Variants in RBFOX1 observed in about 807,000 individuals in gnomAD.
RBFOX1 encodes RNA binding fox-1 homolog 1, also known as RNA binding protein fox-1 homolog 1.
In RBFOX1, 8 loss-of-function variants were observed where a neutral mutation model predicts 57.7. That is an observed-to-expected ratio of 0.14 (90% CI 0.08 to 0.25). The LOEUF (loss-of-function observed/expected upper bound fraction) is 0.25, where lower values mean the gene tolerates loss of function less well. RBFOX1 is among the 10% of genes least tolerant of loss of function. RBFOX1 has a pLI of 1.00. For synonymous variants in RBFOX1, 326 were observed against 222.4 expected (o/e 1.47, Z -4.15); for missense variants, 611 against 548.5 (o/e 1.11, Z -1.14).
At chr16:6,061,904 G>A (rs936837253) in intron 1 of RBFOX1, among the ~76,000 whole-genome samples, 6 of 152,044 alleles carry the variant, frequency 3.9e-5, no homozygotes, top group African/African-American at 7.2e-5. Flanking sequence ...GGATTCTGCC[G>A]CCAAGACTGC....
At chr16:7,310,205 G>T (rs2096277478) in intron 4 of RBFOX1, among the ~76,000 whole-genome samples, 1 of 152,222 alleles carries the variant, frequency 6.6e-6, no homozygotes, top group Admixed American at 6.5e-5. Flanking sequence ...TCTGCTGGGA[G>T]ACAGAGCTGG....
intron 1 of RBFOX1, among the ~76,000 whole-genome samples, chr16:6,239,974 C>G (rs1026816180): frequency 5.9e-5 from 9 of 152,214 alleles, no homozygotes; most frequent in Admixed American, 1.3e-4. Context: ...GTGGATCTCT[C>G]AAGGTGGGAG....
intron 3 of RBFOX1, among the ~76,000 whole-genome samples, chr16:6,826,131 C>T (rs913135060): frequency 2.0e-5 from 3 of 152,118 alleles, no homozygotes; most frequent in African/African-American, 7.2e-5. Flanking sequence ...CGTCTCACTT[C>T]TCCCTACCCC....
chr16:6,023,030 G>T (rs1003124616), intron 1 of RBFOX1, among the ~76,000 whole-genome samples: 5 of 152,084 alleles, frequency 3.3e-5, no homozygotes, highest in African/African-American at 7.2e-5. Flanking sequence ...AGAGTAGAAG[G>T]TTGTGGCCAG....
intron 1 of RBFOX1, among the ~76,000 whole-genome samples, chr16:5,363,464 G>T (rs914187002): frequency 1.3e-5 from 2 of 152,138 alleles, no homozygotes; most frequent in African/African-American, 2.4e-5. Flanking sequence ...TCTAGCTTCA[G>T]TTGCAGGAGG....
At chr16:5,753,258 T>A (rs2053275923) in intron 3 of RBFOX1, among the ~76,000 whole-genome samples, 1 of 152,146 alleles carries the variant, frequency 6.6e-6, no homozygotes, top group Non-Finnish European at 1.5e-5. Flanking sequence ...ATGCACTCAT[T>A]AAAACTCTAG....
chr16:6,524,433 G>T (rs2096551051), intron 2 of RBFOX1, among the ~76,000 whole-genome samples: 1 of 152,174 alleles, frequency 6.6e-6, no homozygotes, highest in African/African-American at 2.4e-5. Context: ...TTTTATGGCA[G>T]CAGTGTTTAC....
chr16:5,270,370 G>C lies in RBFOX1; in HGVS notation c.219+30265G>C, dbSNP rs2062974371. The C allele has an allele frequency of 1.8e-5, 22 of 1,227,712 alleles. No individual in the cohort carries two copies. The South Asian group carries it at 2.7e-4, about 15-fold the overall frequency. The allele number at this position is 1,227,712 out of a possible 1,614,324, so 76.1% of individuals were successfully genotyped here. A position where few individuals can be genotyped will look rare whatever the true frequency, so the allele number is the denominator to read the frequency against. The stretch of plus-strand genomic sequence containing the variant: ...CATCTGATGGTCTCAAGGGTCTTGT[G>C]TTTGAAGTGAGTCTTGCTGATGTGC... On this transcript the variant is annotated intron_variant, in intron 1 of 2. Transcript: ENST00000585867.
chr16:5,854,834 T>C (rs147636177), intron 3 of RBFOX1, among the ~76,000 whole-genome samples: 88 of 152,284 alleles, frequency 5.8e-4, no homozygotes, highest in African/African-American at 2.0e-3. Context: ...TCAATTTACA[T>C]TCCCACCCAC....
chr16:7,186,298 A>ACATAAACATATTTATATAAATATAAG (rs2083777595), intron 4 of RBFOX1, among the ~76,000 whole-genome samples: 1 of 104,108 alleles, frequency 9.6e-6, no homozygotes, highest in Non-Finnish European at 1.8e-5. Flanking sequence ...ATAAATATAA[A>ACATAAACATATTTATATAAATATAAG]CATAAACATA....
rs200369803 is a variant in RBFOX1 at position 7,671,627 on chromosome 16, T to G, written c.931-5147T>G. 22 of 1,594,370 alleles carry G rather than the reference T, an allele frequency of 1.4e-5. No individual in the cohort carries two copies. In the African/African-American group the frequency reaches 2.0e-4, roughly 15 times the overall value. The stretch of plus-strand genomic sequence containing the variant: ...ATGAAATCCCGACTGGTGGAGAAAC[T>G]CATCACTATGATTGTGGGTTTGCTG... On this transcript the variant is annotated intron_variant, in intron 13 of 15. Transcript: ENST00000550418.
intron 2 of RBFOX1, among the ~76,000 whole-genome samples, chr16:6,508,867 AAC>A (rs2096182887): frequency 8.1e-6 from 1 of 123,336 alleles, no homozygotes. Context: ...TACGAATCAT[AAC>A]AAAAAAAAAA....
At chr16:5,524,768 T>A (rs1266368291) in intron 2 of RBFOX1, among the ~76,000 whole-genome samples, 1 of 152,080 alleles carries the variant, frequency 6.6e-6, no homozygotes, top group Admixed American at 6.5e-5. Context: ...CTTGAACTCC[T>A]GACCTCAAGT....
chr16:6,887,919 C>T (rs1174480877), intron 3 of RBFOX1, among the ~76,000 whole-genome samples: 1 of 152,102 alleles, frequency 6.6e-6, no homozygotes, highest in East Asian at 1.9e-4. Context: ...GTCATGGCCT[C>T]CCAAAGTGCT....
At chr16:5,696,941 C>G (rs1376858161) in intron 3 of RBFOX1, among the ~76,000 whole-genome samples, 2 of 152,074 alleles carry the variant, frequency 1.3e-5, no homozygotes, top group African/African-American at 4.8e-5. Context: ...GAGACCGAGT[C>G]TCATTCTCTT....
intron 3 of RBFOX1, among the ~76,000 whole-genome samples, chr16:5,776,578 G>T (rs544086429): frequency 1.3e-5 from 2 of 152,296 alleles, no homozygotes; most frequent in East Asian, 3.9e-4. Flanking sequence ...AACATTTTAG[G>T]CAGTCTTTTA....
chr16:5,953,540 G>T (rs2059561910), intron 4 of RBFOX1, among the ~76,000 whole-genome samples: 1 of 151,852 alleles, frequency 6.6e-6, no homozygotes, highest in African/African-American at 2.4e-5. Context: ...TCATTCTTAT[G>T]CCTTTGCATC....
At chr16:6,738,305 G>A (rs927366212) in intron 3 of RBFOX1, among the ~76,000 whole-genome samples, 4 of 152,074 alleles carry the variant, frequency 2.6e-5, no homozygotes, top group African/African-American at 9.7e-5. Context: ...ATAAGGAGAG[G>A]AGGGGAACTG....
At chr16:6,354,106 G>A (rs771277778) in intron 2 of RBFOX1, among the ~76,000 whole-genome samples, 10 of 152,062 alleles carry the variant, frequency 6.6e-5, no homozygotes, top group Non-Finnish European at 1.0e-4. Flanking sequence ...TGTAGTCCCA[G>A]CTACTGGGGA....
Sources: gnomAD v4.1 joint callset for allele counts (sites outside exome capture counted in the v4.1 genomes callset) on GRCh38, gnomAD v4.1.1 for gene constraint, MANE v1.5 for transcripts, NCBI Gene and HGNC (gene_info 2026-07-23, HGNC 2026-07-21) for gene names.